PHF14: variants seen among roughly 807,000 people sequenced by gnomAD.
PHF14 encodes the protein PHD finger protein 14.
In PHF14, 55 loss-of-function variants were observed where a neutral mutation model predicts 117.9. That is an observed-to-expected ratio of 0.47 (90% CI 0.38 to 0.58). The LOEUF (loss-of-function observed/expected upper bound fraction) is 0.58. Among genes scored for constraint, PHF14 ranks in the 20% least tolerant of loss-of-function variants. The probability of loss-of-function intolerance (pLI) is 0.00; values close to 1 mark genes in which losing one functional copy is unlikely to be tolerated. For missense variants in PHF14, 978 were observed against 1,122.2 expected (o/e 0.87, Z 1.84); for synonymous variants, 409 against 368.6 (o/e 1.11, Z -1.26).
chr7:11,088,165 C>G (rs944527558), intron 16 of PHF14, among the ~76,000 whole-genome samples: 2 of 152,124 alleles, frequency 1.3e-5, no homozygotes, highest in African/African-American at 4.8e-5. Flanking sequence ...GCATATGTTC[C>G]TGTATGCTTT....
At chr7:11,122,382 C>CACAT (rs1401289400) in intron 17 of PHF14, among the ~76,000 whole-genome samples, 31 of 120,946 alleles carry the variant, frequency 2.6e-4, no homozygotes, top group African/African-American at 1.0e-3. Context: ...CACACACACA[C>CACAT]ACATACATAC....
At chr7:11,003,694 A>G (rs1339493729) in intron 4 of PHF14, among the ~76,000 whole-genome samples, 1 of 152,182 alleles carries the variant, frequency 6.6e-6, no homozygotes, top group African/African-American at 2.4e-5. Flanking sequence ...ATTTAACATG[A>G]ATCCCATACA....
At chr7:11,147,626 T>G (rs977614526) in intron 17 of PHF14, among the ~76,000 whole-genome samples, 1 of 152,210 alleles carries the variant, frequency 6.6e-6, no homozygotes, top group Non-Finnish European at 1.5e-5. Flanking sequence ...TTTCTTTTCT[T>G]GGTTTCATGA....
At chr7:10,981,612 ACT>A (rs1312678352) in intron 2 of PHF14, among the ~76,000 whole-genome samples, 2 of 152,184 alleles carry the variant, frequency 1.3e-5, no homozygotes, top group East Asian at 3.8e-4. Context: ...TTCAGGATGG[ACT>A]GCTTTATTCA....
At chr7:11,032,069 A>G (rs1322480129) in intron 7 of PHF14, among the ~76,000 whole-genome samples, 1 of 151,976 alleles carries the variant, frequency 6.6e-6, no homozygotes, top group Non-Finnish European at 1.5e-5. Flanking sequence ...TTTTGAGATG[A>G]GCCTGGGCAA....
intron 13 of PHF14, 92 bp downstream of exon 13, chr7:11,042,906 G>T: frequency 1.2e-6 from 1 of 867,972 alleles, no homozygotes; most frequent in Non-Finnish European, 1.7e-6. Flanking sequence ...TCATAATAAA[G>T]TATTTGGCAC....
chr7:11,118,376 T>C (rs1329279581), intron 17 of PHF14, among the ~76,000 whole-genome samples: 3 of 151,910 alleles, frequency 2.0e-5, no homozygotes, highest in Non-Finnish European at 4.4e-5. Context: ...AGGCAGTTGC[T>C]AATTGCTTCT....
chr7:11,162,138 G>A (rs1020876591), intron 17 of PHF14, among the ~76,000 whole-genome samples: 3 of 124,294 alleles, frequency 2.4e-5, no homozygotes, highest in Non-Finnish European at 4.8e-5. Flanking sequence ...TCCCAGGCTG[G>A]AGTGCAGTGG....
At chr7:11,109,927 G>T (rs1787387958) in intron 16 of PHF14, 1 of 151,794 alleles carries the variant, frequency 6.6e-6, no homozygotes, top group Non-Finnish European at 1.5e-5. Flanking sequence ...TATTCATAAG[G>T]AGAAAGTTGT....
intron 16 of PHF14, among the ~76,000 whole-genome samples, chr7:11,079,297 T>C (rs1741911912): frequency 6.6e-6 from 1 of 152,164 alleles, no homozygotes; most frequent in Non-Finnish European, 1.5e-5. Context: ...TGCCATGGCA[T>C]ATAAGCTGAG....
In PHF14 at chr7:11,038,748, CT is replaced by C; in HGVS notation, c.1981-10del. ...ATTTTAATGAAGTTTACTAATTTGG[CT>C]TACTTTGTAGCTATGTGAATCTTTA... On this transcript the variant is annotated splice_polypyrimidine_tract_variant and intron_variant, in intron 10 of 17. Transcript: ENST00000634607. The C allele has an allele frequency of 7.6e-7, 1 of 1,322,456 alleles. No homozygotes were observed. Among genetic ancestry groups the C allele is most frequent in the Non-Finnish European group, 1.1e-6 (1 of 943,202 alleles). The allele number at this position is 1,322,456 out of a possible 1,614,324, so 81.9% of individuals were successfully genotyped here.
intron 4 of PHF14, chr7:11,006,331 C>A (rs1783091944): frequency 4.7e-6 from 2 of 422,336 alleles, no homozygotes; most frequent in Non-Finnish European, 4.6e-6. Flanking sequence ...TTTTCTTAGT[C>A]ATTTCTTTTC....
At chr7:11,094,478 G>A (rs1190759691) in intron 16 of PHF14, among the ~76,000 whole-genome samples, 1 of 152,012 alleles carries the variant, frequency 6.6e-6, no homozygotes, top group African/African-American at 2.4e-5. Flanking sequence ...TCTCTTACAA[G>A]AGCTCTTTCC....
chr7:11,122,331 T>TTTTATATATATA (rs1236770638), intron 17 of PHF14, among the ~76,000 whole-genome samples: 51 of 84,036 alleles, frequency 6.1e-4, no homozygotes, highest in Middle Eastern at 5.2e-3. Flanking sequence ...TTTGTACTTT[T>TTTTATATATATA]TATATATATA....
intron 17 of PHF14, among the ~76,000 whole-genome samples, chr7:11,157,830 AC>A (rs1788911544): frequency 6.6e-6 from 1 of 151,902 alleles, no homozygotes; most frequent in African/African-American, 2.4e-5. Context: ...AAATACTGAA[AC>A]CCCATTTTCC....
chr7:10,995,684 G>T (rs1392194190), intron 4 of PHF14, among the ~76,000 whole-genome samples: 1 of 152,186 alleles, frequency 6.6e-6, no homozygotes, highest in African/African-American at 2.4e-5. Flanking sequence ...TGCAGGTTCC[G>T]AGCCCTGCCC....
At chr7:11,103,963 T>G (rs1482223249) in intron 16 of PHF14, 2 of 984,570 alleles carry the variant, frequency 2.0e-6, no homozygotes, top group Non-Finnish European at 2.4e-6. Flanking sequence ...TATATTAGCT[T>G]AAGGAAATGT....
intron 6 of PHF14, among the ~76,000 whole-genome samples, chr7:11,025,242 T>G (rs932040987): frequency 1.3e-5 from 2 of 152,224 alleles, no homozygotes; most frequent in African/African-American, 4.8e-5. Context: ...TTCTCATGGA[T>G]GAGTGAAGAA....
At chr7:11,046,516 C>T (rs775914131) in intron 13 of PHF14, among the ~76,000 whole-genome samples, 1 of 152,004 alleles carries the variant, frequency 6.6e-6, no homozygotes, top group Non-Finnish European at 1.5e-5. Context: ...CTTTGTTTTT[C>T]TTGATAATTT....
Sources: allele counts gnomAD v4.1 joint callset (sites outside exome capture counted in the v4.1 genomes callset), GRCh38; gene constraint gnomAD v4.1.1; transcripts MANE v1.5; gene names NCBI Gene and HGNC (gene_info 2026-07-23, HGNC 2026-07-21).